SYT12: variants seen among roughly 807,000 people sequenced by gnomAD.
SYT12 encodes synaptotagmin-12.
A neutral mutation model predicts 39.5 loss-of-function variants in SYT12; 27 were observed. The observed-to-expected ratio is 0.68, with a 90% CI of 0.50 to 0.94. SYT12 has a LOEUF of 0.94. Ranked by LOEUF, SYT12 falls within the 40% of genes least tolerant of loss-of-function variation. SYT12 has a pLI of 0.00. For missense variants in SYT12, 536 were observed against 572.6 expected (o/e 0.94, Z 0.65); for synonymous variants, 233 against 239.7 (o/e 0.97, Z 0.26).
At position 67,048,890 on chromosome 11, in the gene SYT12, C is replaced by T. The variant is rs914548262; in HGVS notation, c.*133C>T. The T allele has an allele frequency of 9.6e-7, 1 of 1,041,376 alleles. No individual in the cohort carries two copies. Among genetic ancestry groups the T allele is most frequent in the African/African-American group, 1.6e-5 (1 of 63,334 alleles). 64.5% of individuals were successfully genotyped at this position (1,041,376 alleles called of 1,614,324 possible). A position where few individuals can be genotyped will look rare whatever the true frequency, so the allele number is the denominator to read the frequency against. The stretch of plus-strand genomic sequence containing the variant: ...CCCTGGCAGAGTCCTCATGACCCAT[C>T]CTGGTCTCTCTGTCCAGATTGCAGC... On this transcript the variant is annotated 3_prime_UTR_variant, in exon 8 of 8. Transcript: ENST00000527043.
At position 67,050,675 on chromosome 11, in the gene SYT12, C is replaced by G. The variant is rs917651252; in HGVS notation, c.*1918C>G. 6.6e-6 allele frequency: 1 copy of G among 152,520 alleles called. No homozygotes were observed. Among genetic ancestry groups the G allele is most frequent in the Non-Finnish European group, 1.5e-5 (1 of 68,234 alleles). 9.4% of individuals were successfully genotyped at this position (152,520 alleles called of 1,614,324 possible). On this transcript the variant is annotated 3_prime_UTR_variant, in exon 8 of 8. Coordinates refer to ENST00000527043, the MANE Select transcript of SYT12 (RefSeq NM_177963.4). Reference sequence around the variant, plus strand: ...GTGCGGTGCAGGCCACTGACTCCCCCCCTGCCCTCTCCCCTCTCTCCCTCC... The same window carrying G: ...GTGCGGTGCAGGCCACTGACTCCCCGCCTGCCCTCTCCCCTCTCTCCCTCC...
chr11:67,012,954 G>C (rs891085454), intron 3 of SYT12, among the ~76,000 whole-genome samples: 3 of 152,146 alleles, frequency 2.0e-5, no homozygotes, highest in Non-Finnish European at 2.9e-5. Context: ...TGAAACCTGG[G>C]GGGGGTCATC....
chr11:67,047,609 G>A (rs958858541), intron 7 of SYT12, among the ~76,000 whole-genome samples: 4 of 151,190 alleles, frequency 2.6e-5, no homozygotes, highest in African/African-American at 9.7e-5. Flanking sequence ...TGGAGAAGCT[G>A]AGGTAGCAAG....
chr11:67,013,297 G>A (rs991254525), intron 3 of SYT12, among the ~76,000 whole-genome samples: 1 of 152,150 alleles, frequency 6.6e-6, no homozygotes, highest in Admixed American at 6.6e-5. Flanking sequence ...CACTGTGGGG[G>A]CCCTGGCCAT....
intron 7 of SYT12, among the ~76,000 whole-genome samples, chr11:67,046,084 A>T (rs1854541280): frequency 1.3e-5 from 2 of 151,788 alleles, no homozygotes; most frequent in African/African-American, 4.8e-5. Context: ...CTCACAAGGG[A>T]CAGGCAGGAG....
Position 67,039,899 on chromosome 11 carries a change from G to C in SYT12, c.317G>C (p.Ser106Thr). Residue 106 changes from serine (S) to threonine (T), a missense_variant, in exon 4 of 8, where the codon AGC becomes ACC. By Grantham distance (58) the Ser-to-Thr change is moderately conservative (BLOSUM62 1). Transcript: ENST00000527043. ...CTCAGCATTGAGGACACCTTTGAGA[G>C]CATCAGTGAACTGGGGCCTCTGGAG... is the stretch of plus-strand genomic sequence containing the variant. ...GSLSIEDTFE[S>T]ISELGPLELM... 1.2e-6 allele frequency: 2 copies of C among 1,613,726 alleles called. No individual in the cohort carries two copies. The highest frequency in any genetic ancestry group is 1.7e-6 in the Non-Finnish European group (2 of 1,180,042).
rs1171327448 is a variant in SYT12 at position 67,043,772 on chromosome 11, G to T, written c.756G>T (p.Gly252=). The T allele has an allele frequency of 3.7e-6, 6 of 1,614,158 alleles. No homozygotes were observed. The highest frequency in any genetic ancestry group is 2.5e-6 in the Non-Finnish European group (3 of 1,180,044). The change falls in exon 5 of 8, where the codon GGG becomes GGT. Residue 252 remains glycine, a synonymous_variant. Transcript: ENST00000527043. The part of the protein sequence containing the change: ...IDEDERNVST[G]VVELKLSVLD... ...AGGATGAGCGCAACGTCAGCACGGG[G>T]GTGGTGGAGCTGAAGCTTTCTGTGC...
At chr11:67,033,683 T>G (rs1172649150) in intron 2 of SYT12, among the ~76,000 whole-genome samples, 1 of 152,210 alleles carries the variant, frequency 6.6e-6, no homozygotes, top group Admixed American at 6.5e-5. Flanking sequence ...TCACTTGAAT[T>G]GAGACAGACG....
intron 3 of SYT12, among the ~76,000 whole-genome samples, chr11:67,035,651 G>T (rs1272252867): frequency 6.6e-6 from 1 of 151,114 alleles, no homozygotes; most frequent in Non-Finnish European, 1.5e-5. Context: ...TAGAGACGGG[G>T]TTTCACCATG....
intron 3 of SYT12, among the ~76,000 whole-genome samples, chr11:67,035,112 C>T (rs575662166): frequency 2.0e-5 from 3 of 149,580 alleles, no homozygotes; most frequent in Non-Finnish European, 3.0e-5. Flanking sequence ...TGGGTTCAAG[C>T]GATTATCCTG....
intron 3 of SYT12, among the ~76,000 whole-genome samples, chr11:67,035,485 T>C (rs1200980808): frequency 7.0e-6 from 1 of 142,548 alleles, no homozygotes; most frequent in Non-Finnish European, 1.5e-5. Context: ...TGAGACGGAG[T>C]CTCGCTCTGT....
chr11:67,017,360 A>AT (rs11444184), intron 3 of SYT12, among the ~76,000 whole-genome samples: 33,355 of 139,500 alleles, frequency 0.24, 4,748 homozygotes, highest in Non-Finnish European at 0.33. Context: ...CATTTCTACA[A>AT]TTTTTTTTTT....
chr11:67,036,081 AT>A (rs60724344), intron 3 of SYT12, among the ~76,000 whole-genome samples: 6 of 147,426 alleles, frequency 4.1e-5, no homozygotes, highest in Non-Finnish European at 3.0e-5. Flanking sequence ...TGCCTAGCTA[AT>A]TTTTTTTTTA....
chr11:67,020,678 A>G (rs564812144), upstream of SYT12, among the ~76,000 whole-genome samples: 4 of 152,212 alleles, frequency 2.6e-5, no homozygotes, highest in South Asian at 8.3e-4. Context: ...AAATGCATCC[A>G]TCAGCAGCGT....
intron 3 of SYT12, among the ~76,000 whole-genome samples, chr11:67,017,676 A>G (rs1425057999): frequency 1.3e-5 from 2 of 150,594 alleles, no homozygotes; most frequent in African/African-American, 2.4e-5. Flanking sequence ...AAAAATTTTA[A>G]AGGCCAGGCG....
At position 67,006,995 on chromosome 11, in the gene SYT12, C is replaced by T. The variant is rs1297671824; in HGVS notation, c.-945C>T. 5 of 152,210 alleles carry T rather than the reference C, an allele frequency of 3.3e-5. No homozygotes were observed. The East Asian group carries it at 9.6e-4, about 29-fold the overall frequency. 9.4% of individuals were successfully genotyped at this position (152,210 alleles called of 1,614,324 possible). On this transcript the variant is annotated 5_prime_UTR_variant, in exon 1 of 11. Transcript: ENST00000393946. ...AGCTTGAGCGGTTTTCTGTTACTTG[C>T]TAGTGGTTGGGAAGGCTTAGCCGAC... is the stretch of plus-strand genomic sequence containing the variant.
chr11:67,034,929 C>T, intron 3 of SYT12, 91 bp downstream of exon 3: 1 of 989,840 alleles, frequency 1.0e-6, no homozygotes, highest in Non-Finnish European at 1.4e-6. Flanking sequence ...CTCCCTCCGT[C>T]ACCACCTCCT....
rs748911267 is a variant in SYT12 at position 67,043,853 on chromosome 11, GGTAAGT to G, written c.837+2_837+7del. 6.2e-7 allele frequency: 1 copy of G among 1,613,952 alleles called. No individual in the cohort carries two copies. Among genetic ancestry groups the G allele is most frequent in the South Asian group, 1.1e-5 (1 of 91,064 alleles). On this transcript the variant is annotated splice_donor_variant and splice_donor_5th_base_variant and intron_variant, in intron 5 of 7. Transcript: ENST00000527043. LOFTEE classifies it high-confidence loss of function. ...GGCTCTATTTACAGGACCAGAACAA[GGTAAGT>G]GACTTGCCTGCTCGTCCACCTCGGA...
At chr11:67,035,735 A>C (rs958859680) in intron 3 of SYT12, among the ~76,000 whole-genome samples, 1 of 150,288 alleles carries the variant, frequency 6.7e-6, no homozygotes, top group Non-Finnish European at 1.5e-5. Flanking sequence ...GGGATTACAG[A>C]CGTGAGCCAC....
Sources: allele counts gnomAD v4.1 joint callset (sites outside exome capture counted in the v4.1 genomes callset), GRCh38; gene constraint gnomAD v4.1.1; transcripts MANE v1.5; gene names NCBI Gene and HGNC (gene_info 2026-07-23, HGNC 2026-07-21).